P2RY12: variants seen among roughly 807,000 people sequenced by gnomAD.
P2RY12 encodes the protein P2Y purinoceptor 12.
P2RY12 carries 3 observed loss-of-function variants against 4.5 expected under a neutral mutation model. That is an observed-to-expected ratio of 0.67 (90% CI 0.31 to 1.74). The LOEUF (loss-of-function observed/expected upper bound fraction) is 1.74, where lower values mean the gene tolerates loss of function less well. Ranked by LOEUF, P2RY12 falls within the 40% of genes most tolerant of loss-of-function variation. The pLI is 0.09. For synonymous variants in P2RY12, 148 were observed against 154.1 expected (o/e 0.96, Z 0.29); for missense variants, 356 against 407.8 (o/e 0.87, Z 1.09).
At chr3:151,354,752 ATTACC>A (rs1453533997) in intron 1 of P2RY12, among the ~76,000 whole-genome samples, 1 of 152,254 alleles carries the variant, frequency 6.6e-6, no homozygotes, top group African/African-American at 2.4e-5. Flanking sequence ...ACACATTAAA[ATTACC>A]TCAGCAACAT....
At chr3:151,384,080 T>C (rs1172334021) in intron 1 of P2RY12, 1 of 1,609,430 alleles carries the variant, frequency 6.2e-7, no homozygotes, top group East Asian at 2.2e-5. Flanking sequence ...TTTTCTTTCT[T>C]AGTGAATTAT....
intron 2 of P2RY12, 149 bp downstream of exon 2, chr3:151,340,447 T>C (rs1485371303): frequency 6.6e-6 from 1 of 152,534 alleles, no homozygotes; most frequent in Non-Finnish European, 1.5e-5. Flanking sequence ...TAATTAGACT[T>C]CTATTTTAAT....
chr3:151,376,333 C>A (rs2108065899), intron 1 of P2RY12: 4 of 808,610 alleles, frequency 4.9e-6, no homozygotes, highest in Middle Eastern at 5.7e-4. Flanking sequence ...GATTTTTATT[C>A]CCACACATTT....
Position 151,337,946 on chromosome 3 carries a change from G to GA in P2RY12, c.899dup (p.Leu301ProfsTer27), listed in dbSNP as rs779678942. On this transcript the variant is annotated frameshift_variant, in exon 3 of 3. Transcript: ENST00000302632. LOFTEE classifies it low-confidence loss of function (END_TRUNC). ...AGGAATTTCTGAAGGACTTGCAAAG[G>GA]AAAAAATAGATGAACGGATCCAGGC... 6.2e-7 allele frequency: 1 copy of GA among 1,614,060 alleles called. No individual in the cohort carries two copies. The highest frequency in any genetic ancestry group is 1.7e-5 in the Admixed American group (1 of 59,994).
intron 1 of P2RY12, chr3:151,357,188 T>C: frequency 6.4e-7 from 1 of 1,553,298 alleles, no homozygotes; most frequent in Non-Finnish European, 8.7e-7. Flanking sequence ...CCTACATGTT[T>C]ATTCAGTCTT....
intron 1 of P2RY12, chr3:151,378,155 A>C (rs754093067): frequency 6.2e-6 from 10 of 1,608,162 alleles, no homozygotes; most frequent in Non-Finnish European, 7.6e-6. Context: ...AAGGAAAGGG[A>C]CAGACAGAAA....
At chr3:151,376,294 T>C in intron 1 of P2RY12, 4 of 1,132,520 alleles carry the variant, frequency 3.5e-6, no homozygotes, top group Non-Finnish European at 4.7e-6. Flanking sequence ...TCTCTTTTTT[T>C]GTCCTTGCTA....
chr3:151,369,676 G>A, intron 1 of P2RY12: 1 of 588,204 alleles, frequency 1.7e-6, no homozygotes, highest in Non-Finnish European at 2.8e-6. Context: ...TATTCTCCTG[G>A]AAAAATTAGT....
At chr3:151,343,302 A>T (rs6440737) in intron 1 of P2RY12, among the ~76,000 whole-genome samples, 1 of 151,990 alleles carries the variant, frequency 6.6e-6, no homozygotes, top group East Asian at 1.9e-4. Context: ...AGAATACTTA[A>T]GTCATACTAC....
chr3:151,367,802 A>G (rs1181891257), intron 1 of P2RY12: 2 of 1,577,064 alleles, frequency 1.3e-6, no homozygotes, highest in Admixed American at 3.6e-5. Context: ...TTGCTCTTTG[A>G]TTGTTGTCTT....
chr3:151,339,431 TAAA>T (rs3975402), intron 2 of P2RY12, among the ~76,000 whole-genome samples: 1 of 145,814 alleles, frequency 6.9e-6, no homozygotes. Context: ...ACTGAATCAG[TAAA>T]AAAAAAAAAA....
At position 151,338,808 on chromosome 3, in the gene P2RY12, T is replaced by C. The variant is rs374992095; in HGVS notation, c.38A>G (p.Asn13Ser). The change falls in exon 3 of 3, where the codon AAC (asparagine) becomes AGC (serine). Residue 13 changes from asparagine (N) to serine (S), a missense_variant. Transcript: ENST00000302632. Reference protein sequence around the residue: ...AVDNLTSAPGNTSLCTRDYKI... With the variant: ...AVDNLTSAPGSTSLCTRDYKI... The stretch of plus-strand genomic sequence containing the variant: ...GTAGTCTCTGGTGCACAGACTGGTG[T>C]TACCAGGCGCAGAGGTGAGGTTGTC... The C allele has an allele frequency of 1.2e-6, 2 of 1,613,718 alleles. No homozygotes were observed. The highest frequency in any genetic ancestry group is 1.7e-6 in the Non-Finnish European group (2 of 1,179,878).
intron 1 of P2RY12, among the ~76,000 whole-genome samples, chr3:151,353,787 C>T (rs1280845733): frequency 6.6e-6 from 1 of 152,148 alleles, no homozygotes; most frequent in African/African-American, 2.4e-5. Flanking sequence ...ATTAAACTTT[C>T]CTAAAGAAGA....
intron 1 of P2RY12, among the ~76,000 whole-genome samples, chr3:151,346,739 A>T (rs1752596213): frequency 1.3e-5 from 2 of 152,022 alleles, no homozygotes; most frequent in East Asian, 3.9e-4. Context: ...TTCCCTAAAC[A>T]TAATGTGAAG....
rs1015512230 is a variant in P2RY12, at chr3:151,365,783, G to A, written c.-180+18909C>T. ...TGTTAGTGAAATATATGTTAATTAA[G>A]TATATCACAGGTGAGTATTTCTCTT... is the stretch of plus-strand genomic sequence containing the variant. On this transcript the variant is annotated intron_variant, in intron 1 of 2. Coordinates refer to ENST00000302632, the MANE Select transcript of P2RY12 (RefSeq NM_022788.5). The A allele has an allele frequency of 1.1e-5, 14 of 1,322,330 alleles. No individual in the cohort carries two copies. The African/African-American group carries it at 1.8e-4, about 17-fold the overall frequency. 81.9% of individuals were successfully genotyped at this position (1,322,330 alleles called of 1,614,324 possible).
intron 1 of P2RY12, among the ~76,000 whole-genome samples, chr3:151,377,559 G>A (rs13322120): frequency 0.12 from 17,640 of 152,128 alleles, 1,318 homozygotes; most frequent in Middle Eastern, 0.18. Flanking sequence ...GGCATATAAA[G>A]TCTTAAAGTA....
chr3:151,372,866 T>C lies in P2RY12; in HGVS notation c.-180+11826A>G, dbSNP rs973517362. On this transcript the variant is annotated intron_variant, in intron 1 of 2. Coordinates refer to ENST00000302632, the MANE Select transcript of P2RY12 (RefSeq NM_022788.5). Reference sequence around the variant, plus strand: ...AAACTTGTGCATAGGTGGGCCTTTTTTTCTTGCTCACTTTATTTCGAAATA... The same window carrying C: ...AAACTTGTGCATAGGTGGGCCTTTTCTTCTTGCTCACTTTATTTCGAAATA... 3.9e-5 allele frequency: 32 copies of C among 814,094 alleles called. No homozygotes were observed. The Admixed American group carries it at 6.5e-4, about 17-fold the overall frequency. The allele number at this position is 814,094 out of a possible 1,614,324, so 50.4% of individuals were successfully genotyped here.
intron 1 of P2RY12, among the ~76,000 whole-genome samples, chr3:151,345,493 A>G (rs1051671664): frequency 1.4e-5 from 2 of 148,050 alleles, no homozygotes; most frequent in East Asian, 4.0e-4. Flanking sequence ...GAAGGCTTCT[A>G]CGTTTTCTTT....
intron 1 of P2RY12, among the ~76,000 whole-genome samples, chr3:151,346,930 C>T (rs1038916434): frequency 4.6e-5 from 7 of 152,158 alleles, no homozygotes; most frequent in African/African-American, 1.4e-4. Context: ...ATTTTTTATA[C>T]ATTGTAAATA....
Sources: gnomAD v4.1 joint callset for allele counts (sites outside exome capture counted in the v4.1 genomes callset) on GRCh38, gnomAD v4.1.1 for gene constraint, MANE v1.5 for transcripts, NCBI Gene and HGNC (gene_info 2026-07-23, HGNC 2026-07-21) for gene names.